The following SEMA3C variants were observed in gnomAD, a reference collection of about 807,000 sequenced individuals.
The protein encoded by SEMA3C is semaphorin-3C.
A neutral mutation model predicts 89.4 loss-of-function variants in SEMA3C; 47 were observed. The observed-to-expected ratio is 0.53, with a 90% CI of 0.42 to 0.67. The LOEUF (loss-of-function observed/expected upper bound fraction) is 0.67, where lower values mean the gene tolerates loss of function less well. SEMA3C is among the 30% of genes least tolerant of loss of function. SEMA3C has a pLI of 0.00. For synonymous variants in SEMA3C, 310 were observed against 320.2 expected (o/e 0.97, Z 0.34); for missense variants, 839 against 929.1 (o/e 0.90, Z 1.26).
chr7:80,885,141 G>C (rs1456843755), intron 2 of SEMA3C, among the ~76,000 whole-genome samples: 3 of 152,182 alleles, frequency 2.0e-5, no homozygotes, highest in Admixed American at 2.0e-4. Context: ...TGGTTTAATA[G>C]TTTTGCAACT....
rs199917624 is a variant in SEMA3C, at chr7:80,828,518, AT to A, written c.264+66del. ...ATAAAATGCATATTATTTTTTACTTATTTATTTTTTTTAAAAAAGAGACATT... is the reference window on the plus strand; with the variant it reads ...ATAAAATGCATATTATTTTTTACTTATTATTTTTTTTAAAAAAGAGACATT... On this transcript the variant is annotated intron_variant, in intron 3 of 17. Coordinates refer to ENST00000265361, the MANE Select transcript of SEMA3C (RefSeq NM_006379.5). 9.2e-5 allele frequency: 119 copies of A among 1,299,470 alleles called. No homozygotes were observed. The East Asian group carries it at 2.7e-3, about 30-fold the overall frequency. 80.5% of individuals were successfully genotyped at this position (1,299,470 alleles called of 1,614,324 possible).
intron 2 of SEMA3C, among the ~76,000 whole-genome samples, chr7:80,884,850 T>G (rs949662299): frequency 3.3e-5 from 5 of 152,204 alleles, no homozygotes; most frequent in Non-Finnish European, 4.4e-5. Flanking sequence ...CAGGTTGTGA[T>G]AATATGTTGA....
chr7:80,866,504 TA>T (rs1285153438), intron 2 of SEMA3C, among the ~76,000 whole-genome samples: 4 of 151,746 alleles, frequency 2.6e-5, no homozygotes, highest in East Asian at 1.9e-4. Context: ...AAATAAAAAA[TA>T]AAAAAAAGAA....
intron 2 of SEMA3C, among the ~76,000 whole-genome samples, chr7:80,858,664 A>G (rs1790699280): frequency 6.6e-6 from 1 of 152,218 alleles, no homozygotes; most frequent in Non-Finnish European, 1.5e-5. Flanking sequence ...TGAAAAGGCT[A>G]TTTTTAAAAT....
intron 4 of SEMA3C, among the ~76,000 whole-genome samples, chr7:80,825,452 C>G (rs1789850125): frequency 6.6e-6 from 1 of 152,080 alleles, no homozygotes; most frequent in Non-Finnish European, 1.5e-5. Flanking sequence ...TACAGCATGA[C>G]AAAACTATGG....
rs199571544 is a variant in SEMA3C, at chr7:80,745,013, G to A, written c.2137C>T (p.Arg713Trp). 5.9e-5 allele frequency: 96 copies of A among 1,613,892 alleles called. No homozygotes were observed. The highest frequency in any genetic ancestry group is 2.8e-4 in the Admixed American group (17 of 59,970). ...QMINQYCKDT[R>W]QQHQQGDESQ... ...TCATCTCCCTGCTGATGTTGCTGCCGAGTGTCTTTGCAATATTGGTTAATC... is the reference window on the plus strand; with the variant it reads ...TCATCTCCCTGCTGATGTTGCTGCCAAGTGTCTTTGCAATATTGGTTAATC... The change falls in exon 18 of 18, where the codon CGG (arginine) becomes TGG (tryptophan). Residue 713 changes from arginine (R) to tryptophan (W), a missense_variant. Transcript: ENST00000265361.
chr7:80,810,015 T>C (rs1224378240), intron 6 of SEMA3C, among the ~76,000 whole-genome samples: 1 of 152,118 alleles, frequency 6.6e-6, no homozygotes, highest in Non-Finnish European at 1.5e-5. Context: ...AGTGATCTAC[T>C]ATACTGCACA....
chr7:80,909,097 T>A (rs574758204), intron 2 of SEMA3C, among the ~76,000 whole-genome samples: 176 of 152,270 alleles, frequency 1.2e-3, no homozygotes, highest in African/African-American at 4.0e-3. Context: ...TGTGTGTGTG[T>A]GAGAGAGTTC....
At chr7:80,851,504 T>TAAAAAAAAAAAAAAAAA (rs35936052) in intron 2 of SEMA3C, among the ~76,000 whole-genome samples, 1 of 69,792 alleles carries the variant, frequency 1.4e-5, no homozygotes, top group African/African-American at 5.2e-5. Flanking sequence ...CTCTTGTCTT[T>TAAAAAAAAAAAAAAAAA]AAAAAAAAAA....
intron 2 of SEMA3C, among the ~76,000 whole-genome samples, chr7:80,839,626 G>T (rs548837719): frequency 3.0e-4 from 45 of 152,142 alleles, no homozygotes; most frequent in African/African-American, 1.1e-3. Context: ...AAGTGTTAAA[G>T]GTCATTCACA....
chr7:80,828,501 C>T (rs1789931951), intron 3 of SEMA3C, 84 bp downstream of exon 3: 3 of 1,087,320 alleles, frequency 2.8e-6, no homozygotes, highest in South Asian at 1.9e-5. Flanking sequence ...TAATAAAATG[C>T]ATATTATTTT....
chr7:80,828,560 G>A, intron 3 of SEMA3C, 25 bp downstream of exon 3: 1 of 1,576,666 alleles, frequency 6.3e-7, no homozygotes, highest in South Asian at 1.2e-5. Context: ...GGTGGACACT[G>A]TCCTCGTGAA....
intron 2 of SEMA3C, among the ~76,000 whole-genome samples, chr7:80,905,256 G>A (rs1419944522): frequency 5.8e-5 from 5 of 86,538 alleles, no homozygotes; most frequent in Non-Finnish European, 8.8e-5. Flanking sequence ...GAGAGATAGG[G>A]AGAGAGAGGG....
intron 13 of SEMA3C, among the ~76,000 whole-genome samples, chr7:80,764,853 G>A (rs1319944970): frequency 1.3e-5 from 2 of 152,124 alleles, no homozygotes; most frequent in Admixed American, 6.6e-5. Flanking sequence ...AAATCTTCCA[G>A]ACCTTGACAA....
In SEMA3C at chr7:80,802,917, T is replaced by A. The variant is rs141478274; in HGVS notation, c.802-138A>T. On this transcript the variant is annotated intron_variant, in intron 8 of 17. Transcript: ENST00000265361. ...GTTAACCACTTCTGCACATCAGTTG[T>A]CAAAGAGGAATATTTATGACTTATA... 353 of 539,568 alleles carry A rather than the reference T, an allele frequency of 6.5e-4. 1 individual carries two copies. The East Asian group carries it at 0.01, about 16-fold the overall frequency. The allele number at this position is 539,568 out of a possible 1,614,324, so 33.4% of individuals were successfully genotyped here.
At chr7:80,783,606 C>T (rs1186630644) in intron 12 of SEMA3C, among the ~76,000 whole-genome samples, 1 of 152,184 alleles carries the variant, frequency 6.6e-6, no homozygotes, top group Non-Finnish European at 1.5e-5. Flanking sequence ...ACATGCACTG[C>T]TCCAGCTATC....
At chr7:80,763,456 T>A (rs868783358) in intron 13 of SEMA3C, among the ~76,000 whole-genome samples, 1 of 152,134 alleles carries the variant, frequency 6.6e-6, no homozygotes, top group Admixed American at 6.6e-5. Flanking sequence ...AAACTCAGAC[T>A]TTTTTTGGTG....
chr7:80,840,889 A>G (rs1220542746), intron 2 of SEMA3C, among the ~76,000 whole-genome samples: 1 of 152,192 alleles, frequency 6.6e-6, no homozygotes, highest in East Asian at 1.9e-4. Flanking sequence ...ATGGCTGTGG[A>G]AACAATCATG....
chr7:80,793,225 G>A (rs1258482952), intron 11 of SEMA3C: 1 of 182,900 alleles, frequency 5.5e-6, no homozygotes, highest in Non-Finnish European at 1.1e-5. Flanking sequence ...GAAATGCTAG[G>A]AACAATAAGA....
Sources: gnomAD v4.1 joint callset for allele counts (sites outside exome capture counted in the v4.1 genomes callset) on GRCh38, gnomAD v4.1.1 for gene constraint, MANE v1.5 for transcripts, NCBI Gene and HGNC (gene_info 2026-07-23, HGNC 2026-07-21) for gene names.